WDR70: variants seen among roughly 807,000 people sequenced by gnomAD.
The protein encoded by WDR70 is WD repeat-containing protein 70.
WDR70 carries 53 observed loss-of-function variants against 88.6 expected under a neutral mutation model. That is an observed-to-expected ratio of 0.60 (90% CI 0.48 to 0.75). The LOEUF (loss-of-function observed/expected upper bound fraction) is 0.75, where lower values mean the gene tolerates loss of function less well. WDR70 is among the 30% of genes least tolerant of loss of function. The pLI is 0.00. For missense variants in WDR70, 610 were observed against 823.2 expected (o/e 0.74, Z 3.17); for synonymous variants, 280 against 270.0 (o/e 1.04, Z -0.36).
intron 9 of WDR70, among the ~76,000 whole-genome samples, chr5:37,599,203 C>T (rs2112464316): frequency 6.6e-6 from 1 of 152,238 alleles, no homozygotes; most frequent in Non-Finnish European, 1.5e-5. Context: ...TATTAAAATT[C>T]ACAGAAATGG....
intron 9 of WDR70, among the ~76,000 whole-genome samples, chr5:37,587,951 T>G (rs1290302131): frequency 2.6e-5 from 4 of 152,022 alleles, no homozygotes; most frequent in Non-Finnish European, 4.4e-5. Flanking sequence ...GCTAATTGTC[T>G]CTACTAAAAG....
At chr5:37,427,061 C>T (rs189470991) in intron 5 of WDR70, among the ~76,000 whole-genome samples, 77 of 152,264 alleles carry the variant, frequency 5.1e-4, no homozygotes, top group African/African-American at 1.8e-3. Flanking sequence ...CAGGCTACCA[C>T]GCTCAGCTTT....
rs190033527 is a variant in WDR70 at position 37,588,694 on chromosome 5, G to A, written c.918-16370G>A. The stretch of plus-strand genomic sequence containing the variant: ...TGGGCTCAAGTGATCCTCCCACCTC[G>A]GCCTCCCAAGTAGCTGGGACTACAG... On this transcript the variant is annotated intron_variant, in intron 9 of 17. Coordinates refer to ENST00000265107, the MANE Select transcript of WDR70 (RefSeq NM_018034.4). Among the ~76,000 whole-genome samples, 563 of 151,588 alleles carry A rather than the reference G, an allele frequency of 3.7e-3. 9 individuals carry two copies. Among genetic ancestry groups the A allele is most frequent in the Non-Finnish European group, 3.6e-3 (242 of 67,842 alleles).
intron 9 of WDR70, among the ~76,000 whole-genome samples, chr5:37,589,292 T>C (rs1033138863): frequency 9.5e-5 from 11 of 115,482 alleles, no homozygotes; most frequent in Non-Finnish European, 8.3e-5. Flanking sequence ...ACACACGATA[T>C]ATTTAATATA....
chr5:37,397,769 C>T (rs540240273), intron 5 of WDR70, among the ~76,000 whole-genome samples: 22 of 152,116 alleles, frequency 1.4e-4, no homozygotes, highest in South Asian at 4.2e-4. Flanking sequence ...CTGAGGTGGG[C>T]GGATCACGAG....
chr5:37,598,338 A>C (rs1035875014), intron 9 of WDR70, among the ~76,000 whole-genome samples: 47 of 152,318 alleles, frequency 3.1e-4, no homozygotes, highest in African/African-American at 1.0e-3. Flanking sequence ...GCTTATTTAA[A>C]GTTCTTCCTT....
In WDR70 at chr5:37,545,816, G is replaced by A. The variant is rs369645568; in HGVS notation, c.917+29226G>A. Among the ~76,000 whole-genome samples, 127 of 152,204 alleles carry A rather than the reference G, an allele frequency of 8.3e-4. 1 individual carries two copies. In the South Asian group the frequency reaches 0.024, roughly 29 times the overall value. On this transcript the variant is annotated intron_variant, in intron 9 of 17. Coordinates refer to ENST00000265107, the MANE Select transcript of WDR70 (RefSeq NM_018034.4). The stretch of plus-strand genomic sequence containing the variant: ...TGGCATTACAGCTGTGAGCCACGAC[G>A]CCCAGCCAAGGGTGCTTTTTAGTAA...
chr5:37,609,931 A>G (rs1744138610), intron 10 of WDR70, among the ~76,000 whole-genome samples: 1 of 152,242 alleles, frequency 6.6e-6, no homozygotes, highest in South Asian at 2.1e-4. Context: ...AGTTGCTGTC[A>G]GATAACCCAT....
intron 10 of WDR70, among the ~76,000 whole-genome samples, chr5:37,679,403 G>GA (rs1180918181): frequency 8.3e-3 from 26 of 3,150 alleles, no homozygotes; most frequent in African/African-American, 8.7e-3. Context: ...TGTACAGATG[G>GA]GTTTTGGTGT....
chr5:37,510,559 A>G (rs886459191), intron 8 of WDR70, among the ~76,000 whole-genome samples: 2 of 152,180 alleles, frequency 1.3e-5, no homozygotes, highest in African/African-American at 2.4e-5. Context: ...CAGTCTCCCT[A>G]GTAGCTGGGA....
At chr5:37,431,911 A>G (rs1416023179) in intron 5 of WDR70, among the ~76,000 whole-genome samples, 1 of 152,194 alleles carries the variant, frequency 6.6e-6, no homozygotes, top group Non-Finnish European at 1.5e-5. Context: ...ACGGAAAAAT[A>G]TTCTGTTTTA....
At chr5:37,384,972 A>G (rs938145834) in intron 3 of WDR70, among the ~76,000 whole-genome samples, 2 of 152,160 alleles carry the variant, frequency 1.3e-5, no homozygotes, top group Non-Finnish European at 2.9e-5. Flanking sequence ...CTGGCTATAA[A>G]TCAGGGTTCC....
chr5:37,477,667 T>C (rs1739529350), intron 7 of WDR70, among the ~76,000 whole-genome samples: 2 of 152,236 alleles, frequency 1.3e-5, no homozygotes, highest in Non-Finnish European at 2.9e-5. Flanking sequence ...CTTTTGAGGT[T>C]GATGCTTTCT....
chr5:37,534,021 A>G (rs182552898), intron 9 of WDR70, among the ~76,000 whole-genome samples: 7 of 152,292 alleles, frequency 4.6e-5, no homozygotes, highest in African/African-American at 1.2e-4. Context: ...CAAAGGGTCT[A>G]TGGATTCTCT....
At chr5:37,691,435 T>C (rs922640882) in intron 10 of WDR70, among the ~76,000 whole-genome samples, 1 of 152,182 alleles carries the variant, frequency 6.6e-6, no homozygotes, top group Non-Finnish European at 1.5e-5. Flanking sequence ...ATCAAACTTA[T>C]TCCAAAATTG....
intron 17 of WDR70, among the ~76,000 whole-genome samples, chr5:37,731,179 C>T (rs1748133713): frequency 6.6e-6 from 1 of 152,148 alleles, no homozygotes; most frequent in African/African-American, 2.4e-5. Flanking sequence ...GGGAAAGACA[C>T]TTCAGGCACT....
intron 17 of WDR70, among the ~76,000 whole-genome samples, chr5:37,746,092 G>A (rs1056426161): frequency 1.4e-4 from 21 of 152,010 alleles, no homozygotes; most frequent in African/African-American, 3.6e-4. Context: ...ACCTCAGTGC[G>A]GTCAAATTAG....
At chr5:37,538,122 A>G (rs1741714403) in intron 9 of WDR70, among the ~76,000 whole-genome samples, 1 of 152,150 alleles carries the variant, frequency 6.6e-6, no homozygotes, top group Non-Finnish European at 1.5e-5. Context: ...CCCTTGGAAG[A>G]CTTTATTGAG....
intron 6 of WDR70, 46 bp from the exon 7 acceptor site, chr5:37,443,193 T>C (rs1750706482): frequency 3.9e-6 from 6 of 1,547,964 alleles, no homozygotes; most frequent in Non-Finnish European, 5.2e-6. Flanking sequence ...TAATTGACCA[T>C]ATGTCATTTT....
Sources: allele counts gnomAD v4.1 joint callset (sites outside exome capture counted in the v4.1 genomes callset), GRCh38; gene constraint gnomAD v4.1.1; transcripts MANE v1.5; gene names NCBI Gene and HGNC (gene_info 2026-07-23, HGNC 2026-07-21).